Variants in CDK5RAP2 observed in about 807,000 individuals in gnomAD.
The protein encoded by CDK5RAP2 is CDK5 regulatory subunit associated protein 2.
Under a neutral mutation model 232.9 loss-of-function variants are expected in CDK5RAP2, and 147 were observed. That is an observed-to-expected ratio of 0.63 (90% confidence interval 0.55 to 0.72). The LOEUF (loss-of-function observed/expected upper bound fraction) is 0.72. CDK5RAP2 is among the 30% of genes least tolerant of loss of function. The probability of loss-of-function intolerance (pLI) is 0.00; values close to 1 mark genes in which losing one functional copy is unlikely to be tolerated. For missense variants in CDK5RAP2, 2,195 were observed against 2,231.5 expected, an observed-to-expected ratio of 0.98 and a Z score of 0.33; for synonymous variants, 833 against 833.7, an observed-to-expected ratio of 1.00 and a Z score of 0.01.
chr9:120,421,196 A>C (rs2034547845), intron 26 of CDK5RAP2, among the ~76,000 whole-genome samples: 1 of 152,148 alleles, frequency 6.6e-6, no homozygotes, highest in Non-Finnish European at 1.5e-5. Context: ...ACATGCTCAA[A>C]GGGACCGTGT....
intron 29 of CDK5RAP2, among the ~76,000 whole-genome samples, chr9:120,410,670 C>T (rs549242244): frequency 6.6e-6 from 1 of 152,262 alleles, no homozygotes; most frequent in East Asian, 1.9e-4. Context: ...TGACAGAGGC[C>T]CCAATTTCAT....
intron 12 of CDK5RAP2, among the ~76,000 whole-genome samples, chr9:120,491,753 AATAATT>A (rs2038920652): frequency 1.3e-5 from 2 of 152,194 alleles, no homozygotes; most frequent in African/African-American, 4.8e-5. Flanking sequence ...ACAACAGAGA[AATAATT>A]ATAAAGAGTA....
intron 14 of CDK5RAP2, among the ~76,000 whole-genome samples, chr9:120,485,916 C>T (rs769268012): frequency 1.3e-5 from 2 of 152,190 alleles, no homozygotes; most frequent in Non-Finnish European, 1.5e-5. Flanking sequence ...TCCATGCTGA[C>T]GCTCTCAAGA....
chr9:120,415,232 G>T, intron 27 of CDK5RAP2, 73 bp from the exon 28 acceptor site: 1 of 1,547,988 alleles, frequency 6.5e-7, no homozygotes, highest in Non-Finnish European at 8.9e-7. Flanking sequence ...GATTATGCAG[G>T]GATCCTGAAA....
At chr9:120,556,827 T>C (rs1479807530) in intron 3 of CDK5RAP2, among the ~76,000 whole-genome samples, 3 of 152,232 alleles carry the variant, frequency 2.0e-5, no homozygotes, top group Non-Finnish European at 4.4e-5. Flanking sequence ...TTGTTAACAC[T>C]TAAGGTTTCA....
intron 10 of CDK5RAP2, among the ~76,000 whole-genome samples, chr9:120,526,644 C>G (rs1400870365): frequency 2.6e-5 from 4 of 152,086 alleles, no homozygotes; most frequent in Non-Finnish European, 4.4e-5. Context: ...AGCCAGAGAC[C>G]TCTCCAAAAT....
chr9:120,407,200 T>C lies in CDK5RAP2; in HGVS notation c.4775A>G (p.His1592Arg). 6 of 1,613,764 alleles carry C rather than the reference T, an allele frequency of 3.7e-6. No homozygotes were observed. The highest frequency in any genetic ancestry group is 5.1e-6 in the Non-Finnish European group (6 of 1,180,030). ...AGCCTGGATCTCCATCAGGAGGCTG[T>C]GCAGGTCCCTGAAAGGATCCTGCCC... ...WKGQDPFRDL[H>R]SLLMEIQALR... Residue 1592 changes from histidine to arginine, a missense_variant, in exon 32 of 38, where the codon CAC becomes CGC. By Grantham distance (29) the His-to-Arg change is conservative. Transcript: ENST00000349780.
rs139026252 is a variant in CDK5RAP2, at chr9:120,409,192, G to A, written c.4539C>T (p.Ser1513=). 18 of 1,613,710 alleles carry A rather than the reference G, an allele frequency of 1.1e-5. No homozygotes were observed. Among genetic ancestry groups the A allele is most frequent in the East Asian group, 4.5e-5 (2 of 44,890 alleles). Residue 1513 remains serine, a synonymous_variant, in exon 30 of 38, where the codon AGC becomes AGT. Transcript: ENST00000349780. The stretch of plus-strand genomic sequence containing the variant: ...GCTGCTGGTTGTGTCTCTCCTTCTC[G>A]CTGCCTTCTTTCTGCAGCCTTTCAT... ...EENERLQKEG[S]EKERHNQQLI...
chr9:120,517,247 C>G (rs908475756), intron 12 of CDK5RAP2, among the ~76,000 whole-genome samples: 2 of 152,158 alleles, frequency 1.3e-5, no homozygotes, highest in African/African-American at 4.8e-5. Flanking sequence ...CTTTATTGAT[C>G]CATTAATGTT....
At chr9:120,559,824 C>T (rs1384260926) in intron 3 of CDK5RAP2, among the ~76,000 whole-genome samples, 1 of 152,090 alleles carries the variant, frequency 6.6e-6, no homozygotes, top group Non-Finnish European at 1.5e-5. Flanking sequence ...GGAAAAGGGC[C>T]CCAGCTTAGC....
At position 120,437,674 on chromosome 9, in the gene CDK5RAP2, A is replaced by G. The variant is rs1315915181; in HGVS notation, c.3723-147T>C. 2.1e-5 allele frequency: 14 copies of G among 654,696 alleles called. No individual in the cohort carries two copies. The South Asian group carries it at 2.5e-4, about 12-fold the overall frequency. The allele number at this position is 654,696 out of a possible 1,614,324, so 40.6% of individuals were successfully genotyped here. Reference sequence around the variant, plus strand: ...ATACTTTTAGAAAAATTGAAACTGTACAAGGTCAGCTCTTCTTTGATTTCA... The same window carrying G: ...ATACTTTTAGAAAAATTGAAACTGTGCAAGGTCAGCTCTTCTTTGATTTCA... On this transcript the variant is annotated intron_variant, in intron 24 of 37. Coordinates refer to ENST00000349780, the MANE Select transcript of CDK5RAP2 (RefSeq NM_018249.6).
At chr9:120,492,096 G>GA (rs577853066) in intron 12 of CDK5RAP2, among the ~76,000 whole-genome samples, 1,860 of 148,026 alleles carry the variant, frequency 0.013, 34 homozygotes, top group Non-Finnish European at 0.013. Flanking sequence ...ACAGAAAAAG[G>GA]AAAAAAAAAC....
chr9:120,436,606 G>C (rs1014731267), intron 25 of CDK5RAP2, among the ~76,000 whole-genome samples: 1 of 152,120 alleles, frequency 6.6e-6, no homozygotes, highest in East Asian at 1.9e-4. Context: ...ATTATCTAGG[G>C]AGAAAGGAAC....
At chr9:120,493,575 A>T (rs1481511331) in intron 12 of CDK5RAP2, among the ~76,000 whole-genome samples, 1 of 152,248 alleles carries the variant, frequency 6.6e-6, no homozygotes, top group Non-Finnish European at 1.5e-5. Context: ...TTTATGATGT[A>T]ACATTGCCAA....
At chr9:120,425,970 A>C (rs1029922090) in intron 25 of CDK5RAP2, among the ~76,000 whole-genome samples, 1 of 152,206 alleles carries the variant, frequency 6.6e-6, no homozygotes, top group Non-Finnish European at 1.5e-5. Flanking sequence ...AGAGGAGACA[A>C]ACAGAATCTG....
chr9:120,389,631 G>T, intron 37 of CDK5RAP2, 110 bp downstream of exon 37: 1 of 1,023,262 alleles, frequency 9.8e-7, no homozygotes, highest in South Asian at 1.3e-5. Context: ...CTCTGAGGAG[G>T]ACATGTCCCC....
At position 120,415,020 on chromosome 9, in the gene CDK5RAP2, C is replaced by T; in HGVS notation, c.4297+20G>A. The T allele has an allele frequency of 2.5e-6, 4 of 1,613,822 alleles. No individual in the cohort carries two copies. The highest frequency in any genetic ancestry group is 3.4e-6 in the Non-Finnish European group (4 of 1,179,722). On this transcript the variant is annotated intron_variant, in intron 28 of 37. Transcript: ENST00000349780. ...AGCACTCACAGACATGTACAGTCCT[C>T]CAGGAAGGTCTTTCCTTACCTTGAA...
At chr9:120,404,816 G>A (rs1016469720) in intron 32 of CDK5RAP2, among the ~76,000 whole-genome samples, 6 of 152,220 alleles carry the variant, frequency 3.9e-5, no homozygotes, top group Non-Finnish European at 5.9e-5. Flanking sequence ...TTGCAACACT[G>A]TAAGGAGGCA....
chr9:120,537,361 C>T (rs193175677), intron 6 of CDK5RAP2, among the ~76,000 whole-genome samples: 115 of 152,200 alleles, frequency 7.6e-4, no homozygotes, highest in Middle Eastern at 6.8e-3. Context: ...AAAATGTTGG[C>T]TCCCTCCTCC....
Sources: allele counts gnomAD v4.1 joint callset (sites outside exome capture counted in the v4.1 genomes callset), GRCh38; gene constraint gnomAD v4.1.1; transcripts MANE v1.5; gene names NCBI Gene and HGNC (gene_info 2026-07-23, HGNC 2026-07-21).